The following TTC7B variants were observed in gnomAD, a reference collection of about 807,000 sequenced individuals.
TTC7B encodes the protein tetratricopeptide repeat protein 7B.
TTC7B carries 28 observed loss-of-function variants against 106.8 expected under a neutral mutation model. That is an observed-to-expected ratio of 0.26 (90% CI 0.19 to 0.36). The LOEUF is 0.36. Ranked by LOEUF, TTC7B falls within the 10% of genes least tolerant of loss-of-function variation. The pLI is 1.00. For synonymous variants in TTC7B, 405 were observed against 430.6 expected (o/e 0.94, Z 0.74); for missense variants, 862 against 1,076.4 (o/e 0.80, Z 2.79).
chr14:90,695,053 ATTT>A (rs1887667645), intron 6 of TTC7B, among the ~76,000 whole-genome samples: 5 of 42,766 alleles, frequency 1.2e-4, no homozygotes, highest in East Asian at 9.7e-4. Context: ...TATAAAATAT[ATTT>A]TATTTTATTA....
chr14:90,598,253 C>T (rs1179343093), intron 17 of TTC7B, among the ~76,000 whole-genome samples: 1 of 152,218 alleles, frequency 6.6e-6, no homozygotes, highest in Non-Finnish European at 1.5e-5. Context: ...ACAGGTCTGT[C>T]GTCAAACGGC....
At chr14:90,617,035 T>C (rs1893112904) in intron 16 of TTC7B, among the ~76,000 whole-genome samples, 1 of 152,174 alleles carries the variant, frequency 6.6e-6, no homozygotes, top group African/African-American at 2.4e-5. Context: ...TGTGCAAGAC[T>C]TGGAAATGGG....
rs1383631890 is a variant in TTC7B, at chr14:90,540,648, G to A, written c.*720C>T. ...TCCCATGTAGCCAAGTGTCTGTCAT[G>A]TATAAGGAATGTCGGTAAATATTCC... On this transcript the variant is annotated 3_prime_UTR_variant, in exon 20 of 20. Coordinates refer to ENST00000328459, the MANE Select transcript of TTC7B (RefSeq NM_001010854.2). The A allele has an allele frequency of 6.5e-6, 1 of 153,722 alleles. No individual in the cohort carries two copies. Among genetic ancestry groups the A allele is most frequent in the Admixed American group, 6.5e-5 (1 of 15,272 alleles). The allele number at this position is 153,722 out of a possible 1,614,324, so 9.5% of individuals were successfully genotyped here.
At chr14:90,606,239 AG>A (rs1450708974) in intron 17 of TTC7B, among the ~76,000 whole-genome samples, 2 of 152,084 alleles carry the variant, frequency 1.3e-5, no homozygotes, top group African/African-American at 4.8e-5. Flanking sequence ...CATTATGACA[AG>A]GGGGTGCTAA....
Position 90,786,195 on chromosome 14 carries a change from G to A in TTC7B, c.255C>T (p.Ala85=), listed in dbSNP as rs1159990529. The A allele has an allele frequency of 2.5e-6, 4 of 1,580,562 alleles. No homozygotes were observed. In the South Asian group the frequency reaches 3.5e-5, roughly 14 times the overall value. The change falls in exon 2 of 20, where the codon GCC becomes GCT. Residue 85 remains alanine (A), a synonymous_variant. Coordinates refer to ENST00000328459, the MANE Select transcript of TTC7B (RefSeq NM_001010854.2). ...GTACCTTAAGGTTCCCTCGGTCCAG[G>A]GCGGCGGTCAGATGCTTGCGGACCT... ...LTEVRKHLTA[A]LDRGNLKSEF... is the part of the protein sequence containing the mutation.
intron 12 of TTC7B, 119 bp from the exon 13 acceptor site, chr14:90,653,017 A>G (rs1566819592): frequency 9.6e-7 from 1 of 1,040,832 alleles, no homozygotes. Context: ...CTGAGTGCCT[A>G]CGTGCCCAGT....
chr14:90,653,870 G>A (rs1290610823), intron 12 of TTC7B, among the ~76,000 whole-genome samples: 1 of 152,158 alleles, frequency 6.6e-6, no homozygotes, highest in Non-Finnish European at 1.5e-5. Context: ...AGTAATGAGG[G>A]GTAGAGTCTG....
intron 3 of TTC7B, among the ~76,000 whole-genome samples, chr14:90,762,653 G>A (rs1000669845): frequency 5.3e-5 from 8 of 152,062 alleles, no homozygotes; most frequent in East Asian, 1.9e-4. Flanking sequence ...GACATGTATC[G>A]GGTTTGCTCT....
intron 5 of TTC7B, among the ~76,000 whole-genome samples, chr14:90,727,159 C>T (rs898373877): frequency 1.3e-5 from 2 of 152,096 alleles, no homozygotes; most frequent in African/African-American, 4.8e-5. Flanking sequence ...AGATGAGACA[C>T]GGGGGAAAGC....
intron 4 of TTC7B, among the ~76,000 whole-genome samples, chr14:90,731,261 C>T (rs767417314): frequency 6.6e-6 from 1 of 152,168 alleles, no homozygotes; most frequent in Non-Finnish European, 1.5e-5. Flanking sequence ...TGCTGCTACT[C>T]TCTTTAAACT....
chr14:90,778,761 A>G (rs1595367163), intron 3 of TTC7B, among the ~76,000 whole-genome samples: 1 of 152,362 alleles, frequency 6.6e-6, no homozygotes, highest in East Asian at 1.9e-4. Flanking sequence ...GGGCGTGCCC[A>G]TTAAACTGCC....
chr14:90,688,089 CTG>C (rs1887316638), intron 7 of TTC7B, among the ~76,000 whole-genome samples: 1 of 152,254 alleles, frequency 6.6e-6, no homozygotes, highest in African/African-American at 2.4e-5. Flanking sequence ...ATCCTCTCAG[CTG>C]TTTTTCTAAT....
chr14:90,654,977 G>A lies in TTC7B; in HGVS notation c.1459+16C>T, dbSNP rs777564531. ...GCCCTGCAGCTCAGCAGCTGTGGGGGTGGGACGTCTCTCACCGTCAGTGGC... is the reference window on the plus strand; with the variant it reads ...GCCCTGCAGCTCAGCAGCTGTGGGGATGGGACGTCTCTCACCGTCAGTGGC... On this transcript the variant is annotated intron_variant, in intron 12 of 19. Coordinates refer to ENST00000328459, the MANE Select transcript of TTC7B (RefSeq NM_001010854.2). The A allele has an allele frequency of 1.2e-5, 19 of 1,581,612 alleles. 1 individual carries two copies. In the South Asian group the frequency reaches 1.9e-4, roughly 16 times the overall value.
In TTC7B at chr14:90,759,874, A is replaced by C. The variant is rs1349693373; in HGVS notation, c.446-14952T>G. 6.6e-6 allele frequency among the ~76,000 whole-genome samples: 1 copy of C among 152,246 alleles called. No individual in the cohort carries two copies. Among genetic ancestry groups the C allele is most frequent in the Non-Finnish European group, 1.5e-5 (1 of 68,042 alleles). The stretch of plus-strand genomic sequence containing the variant: ...GGCCCCGTCACAGGCACCCCTGTGC[A>C]GCAGGCACTGTTGTCCCTGGCGCAC... On this transcript the variant is annotated intron_variant, in intron 3 of 19. Transcript: ENST00000328459. This position sits in a 1 kb window ranked among gnomAD's most constrained non-coding sequence, Gnocchi z 4.1.
intron 5 of TTC7B, among the ~76,000 whole-genome samples, chr14:90,707,094 A>C (rs1239190355): frequency 1.3e-5 from 2 of 152,238 alleles, no homozygotes; most frequent in African/African-American, 4.8e-5. Context: ...ACAGGGGATG[A>C]TGGAATTAGA....
chr14:90,652,278 G>A (rs1885754785), intron 13 of TTC7B, among the ~76,000 whole-genome samples: 1 of 151,850 alleles, frequency 6.6e-6, no homozygotes, highest in Non-Finnish European at 1.5e-5. Context: ...GGATGTGAAG[G>A]CACGCTGTGA....
chr14:90,707,290 T>C (rs1888250100), intron 5 of TTC7B, among the ~76,000 whole-genome samples: 1 of 152,186 alleles, frequency 6.6e-6, no homozygotes, highest in African/African-American at 2.4e-5. Context: ...AAATGTTGTA[T>C]ATGTGCCCCA....
intron 5 of TTC7B, among the ~76,000 whole-genome samples, chr14:90,725,583 T>C (rs886621285): frequency 6.6e-6 from 1 of 152,218 alleles, no homozygotes; most frequent in Non-Finnish European, 1.5e-5. Flanking sequence ...AGCCCTTCCA[T>C]ACCACTTTAT....
chr14:90,744,615 C>T (rs956298605), intron 4 of TTC7B, among the ~76,000 whole-genome samples, 177 bp downstream of exon 4: 9 of 152,120 alleles, frequency 5.9e-5, no homozygotes, highest in African/African-American at 2.2e-4. Flanking sequence ...GCCCAACCAT[C>T]TATTTTTCAT....
Sources: allele counts gnomAD v4.1 joint callset (sites outside exome capture counted in the v4.1 genomes callset), GRCh38; gene constraint gnomAD v4.1.1; non-coding constraint Gnocchi (gnomAD v3.1); transcripts MANE v1.5; gene names NCBI Gene and HGNC (gene_info 2026-07-23, HGNC 2026-07-21).